Variants in PLCB1 observed in about 807,000 individuals in gnomAD.
The protein encoded by PLCB1 is phospholipase C beta 1.
PLCB1 carries 46 observed loss-of-function variants against 161.8 expected under a neutral mutation model. The ratio of observed to expected loss-of-function variants is 0.28; its 90% CI spans 0.22 to 0.36. The LOEUF (loss-of-function observed/expected upper bound fraction) is 0.36, where lower values mean the gene tolerates loss of function less well. Among genes scored for constraint, PLCB1 ranks in the 10% least tolerant of loss-of-function variants. The pLI is 1.00. For synonymous variants in PLCB1, 517 were observed against 503.7 expected (o/e 1.03, Z -0.35); for missense variants, 1,016 against 1,472.5 (o/e 0.69, Z 5.07).
At chr20:8,329,660 C>T (rs1000709385) in intron 2 of PLCB1, among the ~76,000 whole-genome samples, 1 of 152,188 alleles carries the variant, frequency 6.6e-6, no homozygotes, top group Non-Finnish European at 1.5e-5. Context: ...ATAATGTCTT[C>T]CTCTGCTAGT....
intron 31 of PLCB1, among the ~76,000 whole-genome samples, chr20:8,852,438 A>C (rs1200588772): frequency 2.6e-5 from 4 of 152,194 alleles, no homozygotes; most frequent in Non-Finnish European, 5.9e-5. Flanking sequence ...CAGGACTGAC[A>C]TCAGGGCCTC....
chr20:8,227,132 T>G (rs2123174584), intron 2 of PLCB1, among the ~76,000 whole-genome samples: 1 of 152,306 alleles, frequency 6.6e-6, no homozygotes, highest in African/African-American at 2.4e-5. Flanking sequence ...GTACAGAGTC[T>G]GGATCCCAGA....
intron 9 of PLCB1, 58 bp downstream of exon 9, chr20:8,658,762 A>ACGCTGGGAGTTAGGAACACCAGTGAT (rs1989539210): frequency 2.1e-6 from 3 of 1,413,514 alleles, no homozygotes; most frequent in Non-Finnish European, 2.9e-6. Flanking sequence ...GGGTAGTCAC[A>ACGCTGGGAGTTAGGAACACCAGTGAT]CGCTGGGAGT....
intron 23 of PLCB1, among the ~76,000 whole-genome samples, chr20:8,755,313 T>C (rs1287516197): frequency 6.6e-6 from 1 of 152,056 alleles, no homozygotes; most frequent in Non-Finnish European, 1.5e-5. Flanking sequence ...TATAGGTCAA[T>C]TTTTCATCTG....
At chr20:8,789,398 A>G in intron 29 of PLCB1, 120 bp from the exon 30 acceptor site, 1 of 736,106 alleles carries the variant, frequency 1.4e-6, no homozygotes, top group Non-Finnish European at 2.4e-6. Flanking sequence ...AATAGATAAA[A>G]ATAAGGAAAA....
At chr20:8,688,775 G>T (rs990209701) in intron 10 of PLCB1, among the ~76,000 whole-genome samples, 2 of 152,154 alleles carry the variant, frequency 1.3e-5, no homozygotes, top group Non-Finnish European at 1.5e-5. Flanking sequence ...AAATCAGGTA[G>T]TGTGATGCTT....
chr20:8,337,263 A>C (rs911030850), intron 2 of PLCB1, among the ~76,000 whole-genome samples: 3 of 152,218 alleles, frequency 2.0e-5, no homozygotes, highest in African/African-American at 7.2e-5. Context: ...AGGTATAGGA[A>C]AATTAAATAA....
At chr20:8,194,297 G>A (rs2052000781) in intron 2 of PLCB1, among the ~76,000 whole-genome samples, 1 of 151,948 alleles carries the variant, frequency 6.6e-6, no homozygotes, top group Non-Finnish European at 1.5e-5. Context: ...TATAATTATG[G>A]CATGTGAAAA....
chr20:8,279,782 GT>G (rs1424758474), intron 2 of PLCB1, among the ~76,000 whole-genome samples: 3 of 152,156 alleles, frequency 2.0e-5, no homozygotes, highest in Non-Finnish European at 2.9e-5. Flanking sequence ...TTGTATGTAA[GT>G]TCACTTACAT....
At chr20:8,800,433 A>G (rs1474683) in intron 31 of PLCB1, among the ~76,000 whole-genome samples, 90,538 of 142,492 alleles carry the variant, frequency 0.64, 29,298 homozygotes, top group Non-Finnish European at 0.75. Context: ...TTCAGATTTT[A>G]AAGAGTCACA....
At chr20:8,464,222 T>C (rs1382888456) in intron 3 of PLCB1, among the ~76,000 whole-genome samples, 1 of 152,148 alleles carries the variant, frequency 6.6e-6, no homozygotes, top group Non-Finnish European at 1.5e-5. Flanking sequence ...ATTTTCATGT[T>C]GTATTGGGTG....
chr20:8,771,984 C>G (rs73083930), intron 26 of PLCB1, among the ~76,000 whole-genome samples: 47,231 of 150,636 alleles, frequency 0.31, 7,493 homozygotes, highest in Middle Eastern at 0.48. Context: ...TGGGCTCAAT[C>G]AATCCTCCTG....
chr20:8,853,832 C>T (rs991724060), intron 31 of PLCB1, among the ~76,000 whole-genome samples: 23 of 152,190 alleles, frequency 1.5e-4, no homozygotes, highest in Non-Finnish European at 3.1e-4. Context: ...TGTGCTGAGG[C>T]ATTTTATGTG....
At chr20:8,702,113 A>C (rs530899959) in intron 11 of PLCB1, among the ~76,000 whole-genome samples, 1 of 152,168 alleles carries the variant, frequency 6.6e-6, no homozygotes, top group Non-Finnish European at 1.5e-5. Flanking sequence ...CTCCCTGTTT[A>C]CTGTATGGGT....
intron 2 of PLCB1, among the ~76,000 whole-genome samples, chr20:8,159,106 T>C (rs6055582): frequency 0.41 from 61,696 of 151,860 alleles, 12,545 homozygotes; most frequent in Middle Eastern, 0.46. Context: ...TGCACTGCCC[T>C]AGCCGAGACT....
At chr20:8,793,361 G>A (rs1983859519) in intron 31 of PLCB1, among the ~76,000 whole-genome samples, 1 of 152,130 alleles carries the variant, frequency 6.6e-6, no homozygotes, top group South Asian at 2.1e-4. Flanking sequence ...GAGGAGAATA[G>A]AGTTCCTCCC....
In PLCB1 at chr20:8,299,487, A is replaced by G. The variant is rs565966431; in HGVS notation, c.178-71895A>G. 2.1e-3 allele frequency among the ~76,000 whole-genome samples: 326 copies of G among 152,196 alleles called. 3 individuals carry two copies. The highest frequency in any genetic ancestry group is 7.3e-3 in the African/African-American group (303 of 41,524). ...TCTTGCCTCAAGGGCATATCATTCA[A>G]TCTCATGGATGGAAACATACCTGCT... On this transcript the variant is annotated intron_variant, in intron 2 of 31. Coordinates refer to ENST00000338037, the MANE Select transcript of PLCB1 (RefSeq NM_015192.4).
In PLCB1 at chr20:8,161,931, T is replaced by A. The variant is rs977302025; in HGVS notation, c.177+11560T>A. On this transcript the variant is annotated intron_variant, in intron 2 of 31. Transcript: ENST00000338037. ...TGCCTTTCCTGCCTGTGACGTGGCCTACTTTCTACTCAGAAGTAACACTCC... is the reference window on the plus strand; with the variant it reads ...TGCCTTTCCTGCCTGTGACGTGGCCAACTTTCTACTCAGAAGTAACACTCC... Among the ~76,000 whole-genome samples the A allele has an allele frequency of 7.2e-5, 11 of 152,134 alleles. 1 individual carries two copies. The highest frequency in any genetic ancestry group is 1.6e-4 in the Non-Finnish European group (11 of 68,022).
chr20:8,532,749 G>A (rs932033445), intron 3 of PLCB1, among the ~76,000 whole-genome samples: 1 of 152,082 alleles, frequency 6.6e-6, no homozygotes, highest in Non-Finnish European at 1.5e-5. Context: ...TGAGAGGGAG[G>A]AAGAAGAAAG....
Sources: allele counts gnomAD v4.1 joint callset (sites outside exome capture counted in the v4.1 genomes callset), GRCh38; gene constraint gnomAD v4.1.1; transcripts MANE v1.5; gene names NCBI Gene and HGNC (gene_info 2026-07-23, HGNC 2026-07-21).